Variants in AP1S3 observed in about 807,000 individuals in gnomAD.
AP1S3 encodes the protein AP-1 complex subunit sigma-3.
Under a neutral mutation model 20.9 loss-of-function variants are expected in AP1S3, and 10 were observed. The ratio of observed to expected loss-of-function variants is 0.48; its 90% CI spans 0.29 to 0.81. AP1S3 has a LOEUF of 0.81. Ranked by LOEUF, AP1S3 falls within the 30% of genes least tolerant of loss-of-function variation. The pLI is 0.08. For missense variants in AP1S3, 154 were observed against 183.8 expected, an observed-to-expected ratio of 0.84 and a Z score of 0.94; for synonymous variants, 41 against 61.5, an observed-to-expected ratio of 0.67 and a Z score of 1.56.
chr2:223,807,365 T>G (rs1330211297), intron 1 of AP1S3, among the ~76,000 whole-genome samples: 1 of 152,110 alleles, frequency 6.6e-6, no homozygotes. Context: ...CAGCTAGAAA[T>G]AGATATTATT....
chr2:223,823,405 C>A (rs1692039471), intron 1 of AP1S3, among the ~76,000 whole-genome samples: 1 of 152,140 alleles, frequency 6.6e-6, no homozygotes, highest in African/African-American at 2.4e-5. Flanking sequence ...ACTATTTGGC[C>A]TTTAGAAAGC....
At chr2:223,803,082 TTA>T (rs1337272178) in intron 1 of AP1S3, among the ~76,000 whole-genome samples, 6 of 152,218 alleles carry the variant, frequency 3.9e-5, no homozygotes, top group Admixed American at 3.3e-4. Flanking sequence ...GTTTAAATTT[TTA>T]TGATGTTATC....
At chr2:223,783,081 C>T (rs1690987273) in intron 1 of AP1S3, among the ~76,000 whole-genome samples, 2 of 152,146 alleles carry the variant, frequency 1.3e-5, no homozygotes, top group Admixed American at 6.5e-5. Flanking sequence ...TGCCAAGAGC[C>T]AACTTAAATG....
chr2:223,811,222 A>T (rs1212045095), intron 1 of AP1S3, among the ~76,000 whole-genome samples: 1 of 144,750 alleles, frequency 6.9e-6, no homozygotes, highest in Non-Finnish European at 1.5e-5. Flanking sequence ...CCTCCCAAGT[A>T]CCTGAGATTA....
intron 1 of AP1S3, among the ~76,000 whole-genome samples, chr2:223,831,908 C>G (rs1692267233): frequency 6.6e-6 from 1 of 151,918 alleles, no homozygotes; most frequent in Admixed American, 6.6e-5. Context: ...AACCCCATCT[C>G]CATTAAAAAT....
intron 4 of AP1S3, among the ~76,000 whole-genome samples, chr2:223,763,555 T>C (rs957268839): frequency 3.3e-5 from 5 of 152,172 alleles, no homozygotes; most frequent in Admixed American, 1.3e-4. Flanking sequence ...AAACACTGTT[T>C]TGTGAAATTT....
At chr2:223,767,091 T>C (rs1477482842) in intron 3 of AP1S3, among the ~76,000 whole-genome samples, 1 of 152,064 alleles carries the variant, frequency 6.6e-6, no homozygotes, top group Non-Finnish European at 1.5e-5. Context: ...AGATGGCAGG[T>C]TGATGAGTGC....
chr2:223,837,334 G>A (rs1239843521), intron 1 of AP1S3, 114 bp downstream of exon 1: 2 of 469,776 alleles, frequency 4.3e-6, no homozygotes, highest in Non-Finnish European at 6.6e-6. Context: ...TGGCCAGGCG[G>A]GACTCGGCCC....
intron 1 of AP1S3, among the ~76,000 whole-genome samples, chr2:223,813,055 A>G (rs987643543): frequency 1.3e-5 from 2 of 152,010 alleles, no homozygotes; most frequent in African/African-American, 4.8e-5. Context: ...CAGCCTCCCA[A>G]GTAGCTAGGA....
At position 223,757,826 on chromosome 2, in the gene AP1S3, A is replaced by C. The variant is rs1322586193; in HGVS notation, c.*889T>G. ...ATAAGTCTTCAAATGCATTAGAGATACATTAAAACATATTTGAAATGAAAT... is the reference window on the plus strand; with the variant it reads ...ATAAGTCTTCAAATGCATTAGAGATCCATTAAAACATATTTGAAATGAAAT... On this transcript the variant is annotated 3_prime_UTR_variant, in exon 5 of 5. Coordinates refer to ENST00000396654, the MANE Select transcript of AP1S3 (RefSeq NM_001039569.2). 2 of 985,100 alleles carry C rather than the reference A, an allele frequency of 2.0e-6. No individual in the cohort carries two copies. Among genetic ancestry groups the C allele is most frequent in the African/African-American group, 3.5e-5 (2 of 57,242 alleles). 61.0% of individuals were successfully genotyped at this position (985,100 alleles called of 1,614,324 possible).
intron 1 of AP1S3, among the ~76,000 whole-genome samples, chr2:223,829,796 C>G (rs1034919351): frequency 4.6e-5 from 7 of 151,382 alleles, no homozygotes; most frequent in African/African-American, 1.7e-4. Flanking sequence ...GAGATCACAC[C>G]ACTGTGCTCC....
rs1178796719 is a variant in AP1S3 at position 223,775,892 on chromosome 2, A to C, written c.291+9T>G. ...GTAGCTAATCCTAACCGACAAGGACAACACTTACATTTCCAAAATATTTGT... is the reference window on the plus strand; with the variant it reads ...GTAGCTAATCCTAACCGACAAGGACCACACTTACATTTCCAAAATATTTGT... On this transcript the variant is annotated intron_variant, in intron 3 of 4. Coordinates refer to ENST00000396654, the MANE Select transcript of AP1S3 (RefSeq NM_001039569.2). 2.5e-6 allele frequency: 4 copies of C among 1,610,722 alleles called. No homozygotes were observed. In the South Asian group the frequency reaches 4.4e-5, roughly 18 times the overall value.
chr2:223,824,865 C>G (rs1052264489), intron 1 of AP1S3, among the ~76,000 whole-genome samples: 5 of 152,108 alleles, frequency 3.3e-5, no homozygotes, highest in African/African-American at 1.2e-4. Context: ...TTTTTTAACT[C>G]TAACTTTTTT....
chr2:223,790,341 C>T (rs1366893097), intron 1 of AP1S3, among the ~76,000 whole-genome samples: 2 of 151,140 alleles, frequency 1.3e-5, no homozygotes, highest in East Asian at 3.9e-4. Flanking sequence ...AAGCAATTCT[C>T]CTACCTCAGC....
At chr2:223,801,962 G>A (rs1232230662) in intron 1 of AP1S3, among the ~76,000 whole-genome samples, 1 of 152,186 alleles carries the variant, frequency 6.6e-6, no homozygotes, top group Non-Finnish European at 1.5e-5. Context: ...GGTAGAAAAA[G>A]CTCTAAGTAA....
At chr2:223,772,355 G>A (rs563942025) in intron 3 of AP1S3, among the ~76,000 whole-genome samples, 3 of 152,102 alleles carry the variant, frequency 2.0e-5, no homozygotes, top group East Asian at 1.9e-4. Flanking sequence ...ACCAGCATCC[G>A]GGGGACCCAT....
intron 1 of AP1S3, among the ~76,000 whole-genome samples, chr2:223,780,160 G>C (rs1416765956): frequency 6.6e-6 from 1 of 150,924 alleles, no homozygotes; most frequent in Non-Finnish European, 1.5e-5. Flanking sequence ...AGAATTTGAG[G>C]TCTTCTTTTG....
rs757037464 is a variant in AP1S3 at position 223,765,239 on chromosome 2, T to C, written c.403A>G (p.Ile135Val). 12 of 1,614,014 alleles carry C rather than the reference T, an allele frequency of 7.4e-6. No homozygotes were observed. The highest frequency in any genetic ancestry group is 1.0e-5 in the Non-Finnish European group (12 of 1,180,034). ...ETSKKIAVKA[I>V]EDSDMLQETM... ...TCCTGTAACATATCAGAGTCTTCAA[T>C]GGCTTTGACAGCAATTTTCTTGGAT... Residue 135 changes from isoleucine to valine, a missense_variant, in exon 4 of 5, where the codon ATT becomes GTT. Transcript: ENST00000396654.
At chr2:223,795,908 C>T (rs1691326341) in intron 1 of AP1S3, among the ~76,000 whole-genome samples, 2 of 152,122 alleles carry the variant, frequency 1.3e-5, no homozygotes, top group Admixed American at 1.3e-4. Context: ...CACGGTGGCT[C>T]ACGCCTGTAA....
Sources: gnomAD v4.1 joint callset for allele counts (sites outside exome capture counted in the v4.1 genomes callset) on GRCh38, gnomAD v4.1.1 for gene constraint, MANE v1.5 for transcripts, NCBI Gene and HGNC (gene_info 2026-07-23, HGNC 2026-07-21) for gene names.